SLCO3A1: variants seen among roughly 807,000 people sequenced by gnomAD.
SLCO3A1 encodes solute carrier organic anion transporter family member 3A1, also known as PGE1 transporter.
In SLCO3A1, 27 loss-of-function variants were observed where a neutral mutation model predicts 63.1. That is an observed-to-expected ratio of 0.43 (90% CI 0.32 to 0.59). The LOEUF (loss-of-function observed/expected upper bound fraction) is 0.59, where lower values mean the gene tolerates loss of function less well. Ranked by LOEUF, SLCO3A1 falls within the 20% of genes least tolerant of loss-of-function variation. The probability of loss-of-function intolerance (pLI) is 0.09; values close to 1 mark genes in which losing one functional copy is unlikely to be tolerated. For synonymous variants in SLCO3A1, 473 were observed against 409.9 expected (o/e 1.15, Z -1.86); for missense variants, 773 against 945.8 (o/e 0.82, Z 2.40).
chr15:92,080,452 C>T (rs532977199), intron 2 of SLCO3A1, among the ~76,000 whole-genome samples: 34 of 151,552 alleles, frequency 2.2e-4, no homozygotes, highest in South Asian at 1.5e-3. Context: ...TCTCAGGTCA[C>T]GTACTATGAC....
At chr15:92,084,289 C>T (rs1567110653) in intron 2 of SLCO3A1, among the ~76,000 whole-genome samples, 1 of 152,176 alleles carries the variant, frequency 6.6e-6, no homozygotes, top group Non-Finnish European at 1.5e-5. Context: ...CTGTTAGAGG[C>T]ACCAGTAAGA....
intron 2 of SLCO3A1, among the ~76,000 whole-genome samples, chr15:91,944,202 C>T (rs149661297): frequency 1.7e-4 from 25 of 149,562 alleles, no homozygotes; most frequent in African/African-American, 3.0e-4. Flanking sequence ...GAAGCCCTCA[C>T]GTAAGTGTTC....
chr15:91,856,643 T>C lies in SLCO3A1; in HGVS notation c.180+2555T>C, dbSNP rs1896927481. On this transcript the variant is annotated intron_variant, in intron 1 of 9. Coordinates refer to ENST00000318445, the MANE Select transcript of SLCO3A1 (RefSeq NM_013272.4). The surrounding 1 kb of genome is among the most constrained non-coding windows in gnomAD (Gnocchi z 4.9). ...TAGGAAACCTGAGACCTTGTGTCTG[T>C]AGGGGACCACAGGGCAGGGTCCACG... 6.6e-6 allele frequency among the ~76,000 whole-genome samples: 1 copy of C among 152,232 alleles called. No individual in the cohort carries two copies. Among genetic ancestry groups the C allele is most frequent in the African/African-American group, 2.4e-5 (1 of 41,466 alleles).
At chr15:91,987,848 C>T (rs1274334075) in intron 2 of SLCO3A1, among the ~76,000 whole-genome samples, 1 of 151,802 alleles carries the variant, frequency 6.6e-6, no homozygotes, top group East Asian at 1.9e-4. Context: ...AGCAGTTTTC[C>T]TGAGTCTTAA....
At chr15:92,054,392 T>C (rs2046997377) in intron 2 of SLCO3A1, among the ~76,000 whole-genome samples, 1 of 152,228 alleles carries the variant, frequency 6.6e-6, no homozygotes, top group Non-Finnish European at 1.5e-5. Context: ...GAATCTTTAG[T>C]CAAGCAAAAA....
At chr15:91,981,692 C>A (rs982034500) in intron 2 of SLCO3A1, among the ~76,000 whole-genome samples, 1 of 152,200 alleles carries the variant, frequency 6.6e-6, no homozygotes, top group Non-Finnish European at 1.5e-5. Context: ...AAACCCTTTA[C>A]AAAGAGGACT....
intron 2 of SLCO3A1, among the ~76,000 whole-genome samples, chr15:92,077,777 G>A (rs978378931): frequency 2.0e-5 from 3 of 152,170 alleles, no homozygotes; most frequent in African/African-American, 7.2e-5. Flanking sequence ...CTCTGCAGGC[G>A]CTGGTTCCTT....
At chr15:91,921,723 CTTT>C (rs10708454) in intron 2 of SLCO3A1, among the ~76,000 whole-genome samples, 1 of 144,966 alleles carries the variant, frequency 6.9e-6, no homozygotes, top group Admixed American at 6.9e-5. Flanking sequence ...TCAGATTTCT[CTTT>C]TTTTTTTTTT....
At chr15:91,991,360 CA>C (rs112342928) in intron 2 of SLCO3A1, among the ~76,000 whole-genome samples, 19 of 146,854 alleles carry the variant, frequency 1.3e-4, no homozygotes, top group East Asian at 7.9e-4. Flanking sequence ...AACCATGTCT[CA>C]AAAAAAAAAA....
At chr15:92,036,495 C>T (rs2046729184) in intron 2 of SLCO3A1, among the ~76,000 whole-genome samples, 1 of 152,058 alleles carries the variant, frequency 6.6e-6, no homozygotes, top group South Asian at 2.1e-4. Context: ...TCTGCATTCT[C>T]CCCACCCTGG....
At chr15:91,913,974 C>T (rs1343940018) in intron 1 of SLCO3A1, among the ~76,000 whole-genome samples, 1 of 152,166 alleles carries the variant, frequency 6.6e-6, no homozygotes, top group African/African-American at 2.4e-5. Flanking sequence ...TTCCACCCTC[C>T]ATTCACCACA....
At chr15:92,128,562 C>G in intron 7 of SLCO3A1, 73 bp downstream of exon 7, 1 of 1,409,150 alleles carries the variant, frequency 7.1e-7, no homozygotes, top group Non-Finnish European at 9.5e-7. Context: ...AGTTTTTGCC[C>G]AGGTTGTTCG....
chr15:92,165,519 G>C lies in SLCO3A1; in HGVS notation c.*2384G>C. On this transcript the variant is annotated 3_prime_UTR_variant, in exon 10 of 10. Transcript: ENST00000318445. ...TGCTTTGAGAGAAAAAAAAAAGAAAGTTTTTTAAACTCTTTGCATTTTGGA... is the reference window on the plus strand; with the variant it reads ...TGCTTTGAGAGAAAAAAAAAAGAAACTTTTTTAAACTCTTTGCATTTTGGA... The C allele has an allele frequency of 1.0e-6, 1 of 981,152 alleles. No homozygotes were observed. The highest frequency in any genetic ancestry group is 1.2e-6 in the Non-Finnish European group (1 of 826,500). 60.8% of individuals were successfully genotyped at this position (981,152 alleles called of 1,614,324 possible).
At chr15:91,880,099 G>A (rs4401029) in intron 1 of SLCO3A1, among the ~76,000 whole-genome samples, 30,324 of 75,382 alleles carry the variant, frequency 0.4, 5,546 homozygotes, top group African/African-American at 0.59. Flanking sequence ...TTGTATGTGT[G>A]TCCGTCCGTC....
intron 2 of SLCO3A1, among the ~76,000 whole-genome samples, chr15:91,937,703 T>G (rs1411171027): frequency 1.5e-5 from 2 of 134,550 alleles, no homozygotes; most frequent in African/African-American, 5.8e-5. Context: ...CGGACGACAG[T>G]GCAAGACTCC....
chr15:91,966,023 C>G (rs1339581525), intron 2 of SLCO3A1, among the ~76,000 whole-genome samples: 1 of 152,154 alleles, frequency 6.6e-6, no homozygotes, highest in Non-Finnish European at 1.5e-5. Context: ...TTCATCCCCT[C>G]CTGGTTCATT....
At chr15:91,880,391 C>CTGTGTGTG (rs1248316415) in intron 1 of SLCO3A1, among the ~76,000 whole-genome samples, 109 of 74,490 alleles carry the variant, frequency 1.5e-3, no homozygotes, top group African/African-American at 5.8e-3. Context: ...TTCTCTCTCT[C>CTGTGTGTG]TCTCTCTCTC....
chr15:91,959,854 T>C (rs905587124), intron 2 of SLCO3A1, among the ~76,000 whole-genome samples: 2 of 152,074 alleles, frequency 1.3e-5, no homozygotes, highest in African/African-American at 4.8e-5. Context: ...AAATGGAACC[T>C]CTTACTCACT....
intron 2 of SLCO3A1, among the ~76,000 whole-genome samples, chr15:92,034,761 C>T (rs79708696): frequency 0.02 from 2,994 of 152,042 alleles, 115 homozygotes; most frequent in Non-Finnish European, 0.031. Flanking sequence ...TCCCATGTCC[C>T]CTCCAGTGGT....
Sources: allele counts gnomAD v4.1 joint callset (sites outside exome capture counted in the v4.1 genomes callset), GRCh38; gene constraint gnomAD v4.1.1; non-coding constraint Gnocchi (gnomAD v3.1); transcripts MANE v1.5; gene names NCBI Gene and HGNC (gene_info 2026-07-23, HGNC 2026-07-21).